DCUN1D3: variants seen among roughly 807,000 people sequenced by gnomAD.
DCUN1D3 encodes defective in cullin neddylation 1 domain containing 3.
In DCUN1D3, 6 loss-of-function variants were observed where a neutral mutation model predicts 24.8. That is an observed-to-expected ratio of 0.24 (90% confidence interval 0.13 to 0.48). DCUN1D3 has a LOEUF of 0.48. DCUN1D3 is among the 20% of genes least tolerant of loss of function. DCUN1D3 has a pLI of 0.99. For missense variants in DCUN1D3, 258 were observed against 379.4 expected (o/e 0.68, Z 2.66); for synonymous variants, 120 against 144.9 (o/e 0.83, Z 1.24).
In DCUN1D3 at chr16:20,859,550, AAAAAAAAAAC is replaced by A. The variant is rs1282945721; in HGVS notation, c.*326_*335del. The A allele has an allele frequency of 4.6e-4, 79 of 172,992 alleles. No individual in the cohort carries two copies. Among genetic ancestry groups the A allele is most frequent in the African/African-American group, 1.4e-3 (53 of 38,810 alleles). 10.7% of individuals were successfully genotyped at this position (172,992 alleles called of 1,614,324 possible). ...TATGCCCTCCCCTACCAAAAAAAAA[AAAAAAAAAAC>A]AAAAAAAAACAAAAAAAAAACCTAA... On this transcript the variant is annotated 3_prime_UTR_variant, in exon 3 of 3. Coordinates refer to ENST00000324344, the MANE Select transcript of DCUN1D3 (RefSeq NM_173475.4).
At chr16:20,871,013 G>C (rs1208378137) in intron 1 of DCUN1D3, among the ~76,000 whole-genome samples, 1 of 152,124 alleles carries the variant, frequency 6.6e-6, no homozygotes, top group Non-Finnish European at 1.5e-5. Context: ...AGAAAAAGAC[G>C]GAATATGGCT....
chr16:20,899,516 C>T (rs553327349), intron 1 of DCUN1D3, among the ~76,000 whole-genome samples: 1 of 151,854 alleles, frequency 6.6e-6, no homozygotes, highest in South Asian at 2.1e-4. Context: ...GCACTAAGTG[C>T]CATAAAGGAG....
intron 1 of DCUN1D3, among the ~76,000 whole-genome samples, chr16:20,887,195 G>A (rs1211369955): frequency 1.3e-5 from 2 of 152,200 alleles, no homozygotes; most frequent in East Asian, 1.9e-4. Flanking sequence ...CCAGCTACTC[G>A]GGAGGCTGAG....
intron 1 of DCUN1D3, among the ~76,000 whole-genome samples, chr16:20,886,648 AAC>A (rs1596639018): frequency 6.6e-6 from 1 of 152,302 alleles, no homozygotes; most frequent in East Asian, 1.9e-4. Flanking sequence ...CTTACACACA[AAC>A]ACACACAAAA....
At chr16:20,863,781 C>G (rs1053400181) in intron 1 of DCUN1D3, among the ~76,000 whole-genome samples, 2 of 152,026 alleles carry the variant, frequency 1.3e-5, no homozygotes, top group African/African-American at 4.8e-5. Context: ...GGCACACAGA[C>G]CAATGGAACA....
intron 1 of DCUN1D3, among the ~76,000 whole-genome samples, chr16:20,865,798 G>C (rs1305106393): frequency 1.3e-5 from 2 of 152,120 alleles, no homozygotes; most frequent in Non-Finnish European, 2.9e-5. Context: ...GATAAATTGG[G>C]GGTCGTCTTC....
intron 1 of DCUN1D3, among the ~76,000 whole-genome samples, 159 bp from the exon 2 acceptor site, chr16:20,862,802 G>A (rs562912159): frequency 1.8e-4 from 27 of 152,298 alleles, no homozygotes; most frequent in Non-Finnish European, 2.9e-4. Context: ...GGCCAGCTCC[G>A]TAACTTCACC....
chr16:20,877,080 G>GA (rs1345917933), intron 1 of DCUN1D3, among the ~76,000 whole-genome samples: 2 of 152,244 alleles, frequency 1.3e-5, no homozygotes. Flanking sequence ...AAAATAGGTG[G>GA]AAGAGAATAA....
rs1290875483 is a variant in DCUN1D3 at position 20,856,537 on chromosome 16, C to T, written c.*3349G>A. 1 of 152,018 alleles carries T rather than the reference C, an allele frequency of 6.6e-6. No homozygotes were observed. The highest frequency in any genetic ancestry group is 6.6e-5 in the Admixed American group (1 of 15,266). 9.4% of individuals were successfully genotyped at this position (152,018 alleles called of 1,614,324 possible). A position where few individuals can be genotyped will look rare whatever the true frequency, so the allele number is the denominator to read the frequency against. On this transcript the variant is annotated 3_prime_UTR_variant, in exon 3 of 3. Coordinates refer to ENST00000324344, the MANE Select transcript of DCUN1D3 (RefSeq NM_173475.4). Reference sequence around the variant, plus strand: ...TTTTCAATTGTTATTTTCCTGGGCCCAGGGGTTTGGTTAAAATTTAGATCT... The same window carrying T: ...TTTTCAATTGTTATTTTCCTGGGCCTAGGGGTTTGGTTAAAATTTAGATCT...
chr16:20,868,734 C>T (rs111455925), intron 1 of DCUN1D3, among the ~76,000 whole-genome samples: 3 of 152,260 alleles, frequency 2.0e-5, no homozygotes, highest in African/African-American at 7.2e-5. Flanking sequence ...TGACCATTCT[C>T]CTGCATTAGC....
chr16:20,892,014 G>A (rs183566879), intron 1 of DCUN1D3, among the ~76,000 whole-genome samples: 48 of 152,222 alleles, frequency 3.2e-4, no homozygotes, highest in East Asian at 2.3e-3. Flanking sequence ...ACCAACCACC[G>A]TGTCCTCTCA....
At chr16:20,865,354 T>G (rs2081756504) in intron 1 of DCUN1D3, among the ~76,000 whole-genome samples, 1 of 152,208 alleles carries the variant, frequency 6.6e-6, no homozygotes, top group Non-Finnish European at 1.5e-5. Flanking sequence ...GGTGGTTTAT[T>G]AATTATTTAT....
chr16:20,864,559 C>T (rs1374449592), intron 1 of DCUN1D3, among the ~76,000 whole-genome samples: 8 of 151,884 alleles, frequency 5.3e-5, no homozygotes, highest in Non-Finnish European at 8.8e-5. Context: ...TAAATTACTT[C>T]GACCACCGTG....
In DCUN1D3 at chr16:20,859,713, GAAGA is replaced by G. The variant is rs2081720873; in HGVS notation, c.*169_*172del. ...AAATAACCAAAATAACCAAAAAAATGAAGAAAGTGCCTAAAACATGATACAGCAT... is the reference window on the plus strand; with the variant it reads ...AAATAACCAAAATAACCAAAAAAATGAAGTGCCTAAAACATGATACAGCAT... On this transcript the variant is annotated 3_prime_UTR_variant, in exon 3 of 3. Transcript: ENST00000324344. 3 of 851,260 alleles carry G rather than the reference GAAGA, an allele frequency of 3.5e-6. No homozygotes were observed. Among genetic ancestry groups the G allele is most frequent in the African/African-American group, 1.7e-5 (1 of 58,654 alleles). The allele number at this position is 851,260 out of a possible 1,614,324, so 52.7% of individuals were successfully genotyped here. A position where few individuals can be genotyped will look rare whatever the true frequency, so the allele number is the denominator to read the frequency against.
chr16:20,881,791 T>G (rs1479696001), intron 1 of DCUN1D3, among the ~76,000 whole-genome samples: 1 of 151,940 alleles, frequency 6.6e-6, no homozygotes, highest in African/African-American at 2.4e-5. Context: ...TTCAGTTAGG[T>G]GGGGAAATGT....
At chr16:20,891,357 T>A (rs1415353667) in intron 1 of DCUN1D3, among the ~76,000 whole-genome samples, 1 of 151,186 alleles carries the variant, frequency 6.6e-6, no homozygotes, top group Non-Finnish European at 1.5e-5. Flanking sequence ...ACCTCAGCAA[T>A]TGACATGTAA....
At chr16:20,865,397 T>C (rs1284381066) in intron 1 of DCUN1D3, among the ~76,000 whole-genome samples, 2 of 152,210 alleles carry the variant, frequency 1.3e-5, no homozygotes, top group African/African-American at 2.4e-5. Context: ...AACAAATTGC[T>C]AGACATTTCT....
intron 1 of DCUN1D3, among the ~76,000 whole-genome samples, chr16:20,871,402 C>T (rs971661459): frequency 3.3e-5 from 5 of 152,150 alleles, no homozygotes; most frequent in Non-Finnish European, 7.4e-5. Context: ...ACAGAGAAAA[C>T]TTTTAAAAAA....
intron 1 of DCUN1D3, among the ~76,000 whole-genome samples, chr16:20,889,180 G>A (rs1434531643): frequency 2.8e-5 from 4 of 143,030 alleles, no homozygotes; most frequent in Non-Finnish European, 6.0e-5. Flanking sequence ...AGCTGAGATC[G>A]CACCACTGCA....
Sources: allele counts gnomAD v4.1 joint callset (sites outside exome capture counted in the v4.1 genomes callset), GRCh38; gene constraint gnomAD v4.1.1; transcripts MANE v1.5; gene names NCBI Gene and HGNC (gene_info 2026-07-23, HGNC 2026-07-21).